CRHR1: variants seen among roughly 807,000 people sequenced by gnomAD.
CRHR1 encodes corticotropin releasing hormone receptor 1, also known as corticotropin-releasing hormone receptor 1.
Under a neutral mutation model 56.0 loss-of-function variants are expected in CRHR1, and 28 were observed. That is an observed-to-expected ratio of 0.50 (90% CI 0.37 to 0.69). CRHR1 has a LOEUF of 0.69. CRHR1 is among the 30% of genes least tolerant of loss of function. The pLI is 0.00. For missense variants in CRHR1, 376 were observed against 548.0 expected (o/e 0.69, Z 3.13); for synonymous variants, 195 against 216.5 (o/e 0.90, Z 0.87).
In CRHR1 at chr17:45,835,154, G is replaced by A. The variant is rs1015983063; in HGVS notation, c.*390G>A. 4.6e-6 allele frequency: 1 copy of A among 217,530 alleles called. No homozygotes were observed. Among genetic ancestry groups the A allele is most frequent in the Non-Finnish European group, 9.1e-6 (1 of 110,118 alleles). The allele number at this position is 217,530 out of a possible 1,614,324, so 13.5% of individuals were successfully genotyped here. On this transcript the variant is annotated 3_prime_UTR_variant, in exon 13 of 13. Transcript: ENST00000314537. ...GGGCTGCCCTCGGCAACCGTGGGGA[G>A]GCCATTTGCTGCCCTGGGGCATCAT...
intron 2 of CRHR1, among the ~76,000 whole-genome samples, chr17:45,810,138 AGCCG>A (rs1396379325): frequency 6.6e-6 from 1 of 152,096 alleles, no homozygotes; most frequent in Non-Finnish European, 1.5e-5. Flanking sequence ...ATAAAAAATT[AGCCG>A]GGCTTGGTGG....
chr17:45,831,056 G>A (rs1484721131), intron 8 of CRHR1, 116 bp downstream of exon 8: 2 of 985,056 alleles, frequency 2.0e-6, no homozygotes, highest in Non-Finnish European at 3.1e-6. Flanking sequence ...CATGGTTTCT[G>A]CATCTATAAA....
intron 2 of CRHR1, 111 bp from the exon 3 acceptor site, chr17:45,816,352 G>A (rs2061926207): frequency 7.0e-7 from 1 of 1,427,212 alleles, no homozygotes; most frequent in Admixed American, 2.1e-5. Context: ...GTCCCTAGCT[G>A]GTGTGAGTGG....
intron 1 of CRHR1, among the ~76,000 whole-genome samples, chr17:45,789,297 C>T (rs963137948): frequency 6.6e-6 from 1 of 152,132 alleles, no homozygotes; most frequent in Non-Finnish European, 1.5e-5. Flanking sequence ...AATAGTCAAA[C>T]AATGAATTTG....
chr17:45,805,291 C>T (rs1269218374), intron 1 of CRHR1, among the ~76,000 whole-genome samples: 4 of 152,026 alleles, frequency 2.6e-5, no homozygotes, highest in African/African-American at 7.3e-5. Context: ...CGTATCTTGA[C>T]GACTAAGATT....
intron 2 of CRHR1, among the ~76,000 whole-genome samples, chr17:45,808,293 G>A (rs1303489420): frequency 6.6e-6 from 1 of 152,226 alleles, no homozygotes; most frequent in East Asian, 1.9e-4. Context: ...GGGAACAGGA[G>A]GCCTCCACAT....
intron 10 of CRHR1, 21 bp from the exon 11 acceptor site, chr17:45,833,693 T>TGGGGGGCGCCCCCCCCCCCCC: frequency 6.4e-7 from 1 of 1,571,618 alleles, no homozygotes; most frequent in Non-Finnish European, 8.7e-7. Context: ...ACTCCGAGCC[T>TGGGGGGCGCCCCCCCCCCCCC]CCCCACCCGC....
intron 3 of CRHR1, among the ~76,000 whole-genome samples, chr17:45,817,205 G>A (rs535345689): frequency 2.0e-5 from 3 of 152,330 alleles, no homozygotes; most frequent in Non-Finnish European, 2.9e-5. Context: ...CCCCAGAGCC[G>A]GGCTTTGCAG....
At position 45,829,333 on chromosome 17, in the gene CRHR1, C is replaced by T; in HGVS notation, c.434+12C>T. ...TTTCTGCGGCTCAGGTGAGAAGACC[C>T]CAGCACTGCCTCCTCCTGTCCCCAG... is the stretch of plus-strand genomic sequence containing the variant. On this transcript the variant is annotated intron_variant, in intron 5 of 12. Transcript: ENST00000314537. The T allele has an allele frequency of 6.2e-7, 1 of 1,602,320 alleles. No individual in the cohort carries two copies. Among genetic ancestry groups the T allele is most frequent in the South Asian group, 1.1e-5 (1 of 90,366 alleles).
At chr17:45,828,945 T>A (rs994580318) in intron 4 of CRHR1, among the ~76,000 whole-genome samples, 7 of 151,480 alleles carry the variant, frequency 4.6e-5, no homozygotes, top group Middle Eastern at 3.4e-3. Context: ...GGGCGGGGGG[T>A]CCATGTGGAG....
At chr17:45,816,624 G>A in intron 3 of CRHR1, 42 bp downstream of exon 3, 4 of 1,612,930 alleles carry the variant, frequency 2.5e-6, no homozygotes, top group South Asian at 1.1e-5. Context: ...TGGGAGGTGG[G>A]ACAGGATGGG....
Position 45,784,502 on chromosome 17 carries a change from G to C in CRHR1, c.-43G>C, listed in dbSNP as rs892858451. On this transcript the variant is annotated 5_prime_UTR_variant, in exon 1 of 13. Transcript: ENST00000314537. The surrounding 1 kb of genome is among the most constrained non-coding windows in gnomAD (Gnocchi z 4.2). ...GCCCGCCGGTCCCTCTGGGATGTCC[G>C]TAGGACCCGGGCATTCAGGACGGTA... 14 of 1,524,644 alleles carry C rather than the reference G, an allele frequency of 9.2e-6. No homozygotes were observed. The highest frequency in any genetic ancestry group is 1.4e-5 in the African/African-American group (1 of 70,102). The allele number at this position is 1,524,644 out of a possible 1,614,324, so 94.4% of individuals were successfully genotyped here.
chr17:45,791,027 G>T (rs2061416176), intron 1 of CRHR1, among the ~76,000 whole-genome samples: 1 of 152,266 alleles, frequency 6.6e-6, no homozygotes, highest in Non-Finnish European at 1.5e-5. Flanking sequence ...CCGCAGCATT[G>T]CCATTTCCAG....
intron 1 of CRHR1, among the ~76,000 whole-genome samples, chr17:45,797,283 CTTT>C (rs899983592): frequency 3.1e-3 from 297 of 94,890 alleles, no homozygotes; most frequent in African/African-American, 0.012. Flanking sequence ...TTCTTTCTTT[CTTT>C]TTTTTTTTTT....
intron 4 of CRHR1, among the ~76,000 whole-genome samples, chr17:45,824,456 C>T (rs2062114608): frequency 6.6e-6 from 1 of 152,188 alleles, no homozygotes; most frequent in Admixed American, 6.5e-5. Flanking sequence ...TTGCAAGCCC[C>T]TTCTTTTCAG....
At chr17:45,828,647 G>A (rs963137201) in intron 4 of CRHR1, among the ~76,000 whole-genome samples, 1 of 152,364 alleles carries the variant, frequency 6.6e-6, no homozygotes, top group Non-Finnish European at 1.5e-5. Context: ...GAGTTATGGA[G>A]CCTAAGGAGA....
intron 10 of CRHR1, 44 bp from the exon 11 acceptor site, chr17:45,833,670 G>A (rs16940676): frequency 0.19 from 295,392 of 1,592,832 alleles, 32,123 homozygotes; most frequent in Non-Finnish European, 0.22. Context: ...AGCCCGTCCT[G>A]GGGTGGGCTG....
At chr17:45,791,265 G>A (rs1027513496) in intron 1 of CRHR1, among the ~76,000 whole-genome samples, 4 of 152,138 alleles carry the variant, frequency 2.6e-5, no homozygotes, top group South Asian at 2.1e-4. Flanking sequence ...GGGTCCAGGC[G>A]GGGTTTTACC....
At chr17:45,806,575 A>ACC (rs372781737) in intron 1 of CRHR1, among the ~76,000 whole-genome samples, 14,118 of 152,186 alleles carry the variant, frequency 0.093, 796 homozygotes, top group Middle Eastern at 0.16. Context: ...ACGCATGGGG[A>ACC]TGTCAGCGGC....
Sources: allele counts gnomAD v4.1 joint callset (sites outside exome capture counted in the v4.1 genomes callset), GRCh38; gene constraint gnomAD v4.1.1; non-coding constraint Gnocchi (gnomAD v3.1); transcripts MANE v1.5; gene names NCBI Gene and HGNC (gene_info 2026-07-23, HGNC 2026-07-21).